SAXO1: variants seen among roughly 807,000 people sequenced by gnomAD.
The protein encoded by SAXO1 is 4930500O09Rik.
A neutral mutation model predicts 17.5 loss-of-function variants in SAXO1; 21 were observed. The observed-to-expected ratio is 1.20, with a 90% confidence interval of 0.85 to 1.72. The LOEUF is 1.72. SAXO1 is among the 40% of genes most tolerant of loss of function. SAXO1 has a pLI of 0.00. For synonymous variants in SAXO1, 274 were observed against 216.5 expected (o/e 1.27, Z -2.33); for missense variants, 843 against 596.0 (o/e 1.41, Z -4.32).
chr9:19,002,976 C>T (rs1023365972), intron 1 of SAXO1, among the ~76,000 whole-genome samples: 1 of 152,056 alleles, frequency 6.6e-6, no homozygotes, highest in Non-Finnish European at 1.5e-5. Flanking sequence ...TATGACATGA[C>T]TATATATTTA....
At chr9:18,999,268 C>G (rs1173851185) in intron 1 of SAXO1, among the ~76,000 whole-genome samples, 1 of 152,200 alleles carries the variant, frequency 6.6e-6, no homozygotes, top group African/African-American at 2.4e-5. Context: ...CGTCTGGGAT[C>G]TGAGGAGTGC....
At chr9:18,987,112 A>T (rs761535755) in intron 1 of SAXO1, among the ~76,000 whole-genome samples, 5 of 152,244 alleles carry the variant, frequency 3.3e-5, no homozygotes, top group African/African-American at 1.2e-4. Context: ...AAACAAAAAA[A>T]CAGCAAAGTG....
At chr9:19,006,032 C>T (rs1354835817) in intron 1 of SAXO1, among the ~76,000 whole-genome samples, 1 of 152,170 alleles carries the variant, frequency 6.6e-6, no homozygotes, top group East Asian at 1.9e-4. Flanking sequence ...TTTTCAGTAT[C>T]ACTAGTCATT....
intron 1 of SAXO1, among the ~76,000 whole-genome samples, chr9:18,970,591 A>T (rs1184477903): frequency 6.6e-6 from 1 of 152,182 alleles, no homozygotes; most frequent in African/African-American, 2.4e-5. Context: ...AAATCTATCT[A>T]CACGCATATG....
intron 1 of SAXO1, among the ~76,000 whole-genome samples, chr9:18,970,364 T>G (rs551283193): frequency 6.6e-6 from 1 of 152,336 alleles, no homozygotes; most frequent in South Asian, 2.1e-4. Context: ...AACAATCAAT[T>G]GCTGTGCTTT....
At position 18,989,286 on chromosome 9, in the gene SAXO1, C is replaced by A. The variant is rs139574723; in HGVS notation, c.39-38349G>T. The stretch of plus-strand genomic sequence containing the variant: ...CTTTTAAGTGAAACTGAAGAGCAGG[C>A]TCCTACATCGGATACCAAGTGACTA... On this transcript the variant is annotated intron_variant, in intron 1 of 3. Transcript: ENST00000380534. Among the ~76,000 whole-genome samples, 48 of 152,250 alleles carry A rather than the reference C, an allele frequency of 3.2e-4. No homozygotes were observed. The East Asian group carries it at 9.1e-3, about 29-fold the overall frequency.
In SAXO1 at chr9:18,986,597, C is replaced by T. The variant is rs559008964; in HGVS notation, c.39-35660G>A. Among the ~76,000 whole-genome samples the T allele has an allele frequency of 2.2e-5, 3 of 136,442 alleles. No individual in the cohort carries two copies. In the Admixed American group the frequency reaches 2.3e-4, roughly 10 times the overall value. The allele number at this position is 136,442 out of a possible 152,430, so 89.5% of individuals were successfully genotyped here. On this transcript the variant is annotated intron_variant, in intron 1 of 3. Transcript: ENST00000380534. ...TGTAGCATAACAGAACTCAAGGAGT[C>T]TTCTCCAAAGGAGAAAAAAAAAAGG... is the stretch of plus-strand genomic sequence containing the variant.
At chr9:19,025,169 C>T (rs1835420341) in intron 1 of SAXO1, among the ~76,000 whole-genome samples, 1 of 152,070 alleles carries the variant, frequency 6.6e-6, no homozygotes. Context: ...AATAAAAATT[C>T]AATCTTAACG....
intron 1 of SAXO1, among the ~76,000 whole-genome samples, chr9:18,959,433 C>T (rs189463849): frequency 1.3e-5 from 2 of 152,194 alleles, no homozygotes; most frequent in East Asian, 1.9e-4. Context: ...CTGCTGGCCT[C>T]GACCCAGGGC....
intron 1 of SAXO1, among the ~76,000 whole-genome samples, chr9:18,959,455 G>A (rs16937210): frequency 0.047 from 7,218 of 152,226 alleles, 173 homozygotes; most frequent in Middle Eastern, 0.082. Flanking sequence ...TCTACAGACA[G>A]AGAGTGCACG....
chr9:18,974,646 G>T (rs1197782473), intron 1 of SAXO1, among the ~76,000 whole-genome samples: 3 of 152,176 alleles, frequency 2.0e-5, no homozygotes, highest in Non-Finnish European at 4.4e-5. Context: ...AATAAATGAT[G>T]ATAGTAATAG....
At chr9:18,958,792 T>C (rs1312405746) in intron 1 of SAXO1, among the ~76,000 whole-genome samples, 2 of 152,022 alleles carry the variant, frequency 1.3e-5, no homozygotes, top group Non-Finnish European at 2.9e-5. Context: ...ACATGACGAC[T>C]TGCAGAATCA....
intron 1 of SAXO1, among the ~76,000 whole-genome samples, chr9:18,989,184 G>C (rs1485202459): frequency 1.3e-5 from 2 of 152,120 alleles, no homozygotes; most frequent in East Asian, 3.8e-4. Context: ...ATGGCTCTGA[G>C]ACTAGCAAAT....
At chr9:19,017,506 C>T (rs1835030702) in intron 1 of SAXO1, among the ~76,000 whole-genome samples, 1 of 152,218 alleles carries the variant, frequency 6.6e-6, no homozygotes, top group Non-Finnish European at 1.5e-5. Flanking sequence ...CAGCATGCTG[C>T]ACCAGAGCAG....
chr9:19,013,919 G>A (rs1456976176), intron 1 of SAXO1, among the ~76,000 whole-genome samples: 1 of 152,090 alleles, frequency 6.6e-6, no homozygotes, highest in Admixed American at 6.5e-5. Flanking sequence ...TATTTAGCAG[G>A]CACCCAGTTC....
chr9:19,020,118 C>G (rs1053920180), intron 1 of SAXO1, among the ~76,000 whole-genome samples: 1 of 151,932 alleles, frequency 6.6e-6, no homozygotes, highest in Non-Finnish European at 1.5e-5. Flanking sequence ...CTCCATTGAG[C>G]GTAGCACTAA....
intron 1 of SAXO1, among the ~76,000 whole-genome samples, chr9:18,975,829 G>C (rs1588466692): frequency 6.6e-6 from 1 of 152,194 alleles, no homozygotes; most frequent in Admixed American, 6.5e-5. Flanking sequence ...GAAGCTGAAA[G>C]TTGTGCTGAG....
chr9:19,046,047 C>A (rs1196407441), intron 1 of SAXO1, among the ~76,000 whole-genome samples: 1 of 128,796 alleles, frequency 7.8e-6, no homozygotes, highest in Non-Finnish European at 1.5e-5. Context: ...GAGATTGCGC[C>A]GTTGCGCCTG....
intron 1 of SAXO1, among the ~76,000 whole-genome samples, chr9:19,039,603 G>C (rs1375461461): frequency 6.6e-6 from 1 of 152,224 alleles, no homozygotes; most frequent in Non-Finnish European, 1.5e-5. Flanking sequence ...GAAATCAAGT[G>C]ATAAAGGAGT....
Sources: gnomAD v4.1 joint callset for allele counts (sites outside exome capture counted in the v4.1 genomes callset) on GRCh38, gnomAD v4.1.1 for gene constraint, MANE v1.5 for transcripts, NCBI Gene and HGNC (gene_info 2026-07-23, HGNC 2026-07-21) for gene names.